Variants in FGR observed in about 807,000 individuals in gnomAD.
FGR encodes FGR proto-oncogene, Src family tyrosine kinase.
FGR carries 26 observed loss-of-function variants against 63.2 expected under a neutral mutation model. The ratio of observed to expected loss-of-function variants is 0.41; its 90% confidence interval spans 0.30 to 0.57. The LOEUF (loss-of-function observed/expected upper bound fraction) is 0.57. Among genes scored for constraint, FGR ranks in the 20% least tolerant of loss-of-function variants. The probability of loss-of-function intolerance (pLI) is 0.27; values close to 1 mark genes in which losing one functional copy is unlikely to be tolerated. For synonymous variants in FGR, 286 were observed against 277.7 expected, an observed-to-expected ratio of 1.03 and a Z score of -0.30; for missense variants, 511 against 690.8, an observed-to-expected ratio of 0.74 and a Z score of 2.92.
chr1:27,613,214 C>T lies in FGR; in HGVS notation c.1381+5G>A. On this transcript the variant is annotated splice_donor_5th_base_variant and intron_variant, in intron 12 of 12. Coordinates refer to ENST00000374005, the MANE Select transcript of FGR (RefSeq NM_005248.3). ...CACCCCAGCCCTACCCCTGGCGAGG[C>T]AAACCTGGGTAGGGGATTCGGCCCT... 6.2e-7 allele frequency: 1 copy of T among 1,612,572 alleles called. No individual in the cohort carries two copies. Among genetic ancestry groups the T allele is most frequent in the Non-Finnish European group, 8.5e-7 (1 of 1,178,788 alleles).
intron 1 of FGR, among the ~76,000 whole-genome samples, chr1:27,630,461 T>C (rs1055353876): frequency 1.3e-4 from 20 of 152,082 alleles, no homozygotes; most frequent in African/African-American, 4.6e-4. Context: ...AGCCAAAAGA[T>C]TGGACACCCC....
intron 1 of FGR, among the ~76,000 whole-genome samples, chr1:27,627,815 G>T (rs1324988144): frequency 6.6e-6 from 1 of 152,074 alleles, no homozygotes; most frequent in Non-Finnish European, 1.5e-5. Context: ...CACTATGTTG[G>T]CCAGGCTGGT....
At chr1:27,632,361 C>A (rs2090118204) in intron 1 of FGR, among the ~76,000 whole-genome samples, 1 of 152,124 alleles carries the variant, frequency 6.6e-6, no homozygotes, top group African/African-American at 2.4e-5. Context: ...TGTTCTTGAA[C>A]TTCTGACCTC....
rs1406223586 is a variant in FGR at position 27,616,227 on chromosome 1, C to A, written c.683-383G>T. ...CCGTGGACCTCATCCTTGGCATAACCAATCAAGGCAGAAACGTGGGCATTG... is the reference window on the plus strand; with the variant it reads ...CCGTGGACCTCATCCTTGGCATAACAAATCAAGGCAGAAACGTGGGCATTG... On this transcript the variant is annotated intron_variant, in intron 7 of 12. Transcript: ENST00000374005. This position sits in a 1 kb window ranked among gnomAD's most constrained non-coding sequence, Gnocchi z 4.3. Among the ~76,000 whole-genome samples, 2 of 152,204 alleles carry A rather than the reference C, an allele frequency of 1.3e-5. No individual in the cohort carries two copies. The highest frequency in any genetic ancestry group is 4.1e-4 in the South Asian group (2 of 4,836).
rs1461078861 is a variant in FGR, at chr1:27,615,450, G to A, written c.1002C>T (p.Thr334=). 1.3e-6 allele frequency: 2 copies of A among 1,599,662 alleles called. No homozygotes were observed. Among genetic ancestry groups the A allele is most frequent in the South Asian group, 1.1e-5 (1 of 90,806 alleles). The part of the protein sequence containing the change: ...VVSEEPIYIV[T]EFMCHGSLLD... ...CCTCCTGACCGTGACACATGAACTC[G>A]GTCACGATGTAGATGGGCTCCTCCG... Residue 334 remains threonine (T), a synonymous_variant, in exon 9 of 13, where the codon ACC becomes ACT. Transcript: ENST00000374005. This position sits in a 1 kb window ranked among gnomAD's most constrained non-coding sequence, Gnocchi z 7.6.
chr1:27,625,469 C>A (rs2090005401), intron 1 of FGR, among the ~76,000 whole-genome samples: 4 of 152,212 alleles, frequency 2.6e-5, no homozygotes, highest in Non-Finnish European at 5.9e-5. Context: ...CTCTAACAAG[C>A]CCAAGCTCAC....
chr1:27,616,854 C>T lies in FGR; in HGVS notation c.682+3G>A, dbSNP rs777688693. On this transcript the variant is annotated splice_donor_region_variant and intron_variant, in intron 7 of 12. Transcript: ENST00000374005. This position sits in a 1 kb window ranked among gnomAD's most constrained non-coding sequence, Gnocchi z 4.3. ...TTCAGGGATCTGAGGCCCCTGCCCT[C>T]ACCCATGTAGTGCTGCACCAGCTCC... 8.7e-6 allele frequency: 14 copies of T among 1,614,050 alleles called. No individual in the cohort carries two copies. The highest frequency in any genetic ancestry group is 1.1e-5 in the Non-Finnish European group (13 of 1,180,030).
chr1:27,626,586 CAT>C (rs1462793461), intron 1 of FGR: 1 of 169,486 alleles, frequency 5.9e-6, no homozygotes, highest in African/African-American at 2.4e-5. Flanking sequence ...AGTGATCTCT[CAT>C]GTGTGTATTG....
chr1:27,619,269 C>A (rs955254023), intron 5 of FGR, among the ~76,000 whole-genome samples: 5 of 152,192 alleles, frequency 3.3e-5, no homozygotes, highest in African/African-American at 1.2e-4. Flanking sequence ...CAGCTCACTG[C>A]AACCTCCACC....
Position 27,615,803 on chromosome 1 carries a change from T to G in FGR, c.724A>C (p.Thr242Pro), listed in dbSNP as rs1571381575. ...CCCAGCGTCTGCGGCTTCATGATGG[T>G]GCAGGGCGCGATGAGCAGGTTGCAC... ...GLCNLLIAPC[T>P]IMKPQTLGLA... The change falls in exon 8 of 13, where the codon ACC (threonine) becomes CCC (proline). Residue 242 changes from threonine (T) to proline (P), a missense_variant. Physicochemically the swap from Thr to Pro is conservative, Grantham distance 38. Coordinates refer to ENST00000374005, the MANE Select transcript of FGR (RefSeq NM_005248.3). The surrounding 1 kb of genome is among the most constrained non-coding windows in gnomAD (Gnocchi z 7.6). 1 of 1,599,522 alleles carries G rather than the reference T, an allele frequency of 6.3e-7. No homozygotes were observed. Among genetic ancestry groups the G allele is most frequent in the Non-Finnish European group, 8.5e-7 (1 of 1,173,116 alleles).
At position 27,613,116 on chromosome 1, in the gene FGR, T is replaced by C; in HGVS notation, c.1388A>G (p.Asn463Ser). The C allele has an allele frequency of 6.2e-7, 1 of 1,614,084 alleles. No individual in the cohort carries two copies. Among genetic ancestry groups the C allele is most frequent in the Non-Finnish European group, 8.5e-7 (1 of 1,179,940 alleles). Residue 463 changes from asparagine to serine, a missense_variant, in exon 13 of 13, where the codon AAT (asparagine) becomes AGT (serine). Asn to Ser is a conservative substitution (Grantham distance 46). Transcript: ENST00000374005. ...CACCTGTTCCAACACTTCCCGTTTA[T>C]TCATGCCTGAAGGATGGGTCTCTGT... Reference protein sequence around the residue: ...TKGRIPYPGMNKREVLEQVEQ... With the variant: ...TKGRIPYPGMSKREVLEQVEQ...
chr1:27,614,484 C>A lies in FGR; in HGVS notation c.1195G>T (p.Ala399Ser). The A allele has an allele frequency of 6.2e-7, 1 of 1,613,600 alleles. No individual in the cohort carries two copies. The highest frequency in any genetic ancestry group is 8.5e-7 in the Non-Finnish European group (1 of 1,179,832). The change falls in exon 11 of 13, where the codon GCA becomes TCA. Residue 399 changes from alanine (A) to serine (S), a missense_variant. Ala to Ser is a moderately conservative substitution (Grantham distance 99, BLOSUM62 1). Transcript: ENST00000374005. ...LVGERLACKI[A>S]DFGLARLIKD... The stretch of plus-strand genomic sequence containing the variant: ...ATGAGACGCGCCAAGCCAAAGTCTG[C>A]GATCTTGCACGCCAGCCGCTCCCCA...
intron 1 of FGR, among the ~76,000 whole-genome samples, chr1:27,629,170 A>C (rs1417531917): frequency 6.6e-6 from 1 of 152,160 alleles, no homozygotes; most frequent in Non-Finnish European, 1.5e-5. Flanking sequence ...AGACAGAGAC[A>C]GAGAAACACA....
chr1:27,630,053 T>C (rs1172187037), intron 1 of FGR, among the ~76,000 whole-genome samples: 1 of 152,072 alleles, frequency 6.6e-6, no homozygotes, highest in Non-Finnish European at 1.5e-5. Flanking sequence ...TTATGAGATT[T>C]TTTTTGTGAT....
At chr1:27,630,198 G>A (rs1426995559) in intron 1 of FGR, among the ~76,000 whole-genome samples, 6 of 152,132 alleles carry the variant, frequency 3.9e-5, no homozygotes, top group South Asian at 2.1e-4. Flanking sequence ...GACTACAGGC[G>A]CGCTGCCAAC....
chr1:27,620,823 C>T (rs1174746583), intron 5 of FGR, among the ~76,000 whole-genome samples: 1 of 146,458 alleles, frequency 6.8e-6, no homozygotes, highest in Admixed American at 6.8e-5. Flanking sequence ...CTCAGGAGTT[C>T]AAGACCAGCC....
intron 2 of FGR, chr1:27,624,132 C>T (rs1365667016): frequency 1.9e-6 from 1 of 518,030 alleles, no homozygotes; most frequent in Non-Finnish European, 3.4e-6. Flanking sequence ...TGTCCCCCCT[C>T]AGTGCTTCTC....
chr1:27,631,455 T>C (rs1016620473), intron 1 of FGR, among the ~76,000 whole-genome samples: 3 of 152,170 alleles, frequency 2.0e-5, no homozygotes, highest in African/African-American at 7.2e-5. Context: ...TCACCAAGTA[T>C]CTGTGGGATC....
At chr1:27,623,509 C>T (rs1254655363) in intron 3 of FGR, 182 bp downstream of exon 3, 2 of 700,204 alleles carry the variant, frequency 2.9e-6, no homozygotes, top group Non-Finnish European at 5.1e-6. Context: ...TGACCCTCCC[C>T]TGCAGACTGT....
Sources: gnomAD v4.1 joint callset for allele counts (sites outside exome capture counted in the v4.1 genomes callset) on GRCh38, gnomAD v4.1.1 for gene constraint, Gnocchi (gnomAD v3.1) non-coding constraint, MANE v1.5 for transcripts, NCBI Gene and HGNC (gene_info 2026-07-23, HGNC 2026-07-21) for gene names.